Variants in SPSB3 observed in about 807,000 individuals in gnomAD.
The protein encoded by SPSB3 is SPRY domain-containing SOCS box protein 3.
In SPSB3, 18 loss-of-function variants were observed where a neutral mutation model predicts 29.5. The ratio of observed to expected loss-of-function variants is 0.61; its 90% CI spans 0.42 to 0.91. The LOEUF is 0.91. Ranked by LOEUF, SPSB3 falls within the 40% of genes least tolerant of loss-of-function variation. SPSB3 has a pLI of 0.00. For synonymous variants in SPSB3, 299 were observed against 214.1 expected, an observed-to-expected ratio of 1.40 and a Z score of -3.46; for missense variants, 540 against 507.5, an observed-to-expected ratio of 1.06 and a Z score of -0.61.
In SPSB3 at chr16:1,776,924, C is replaced by A. The variant is rs970063612; in HGVS notation, c.*173G>T. The stretch of plus-strand genomic sequence containing the variant: ...CACCCAGCACAGCAGCAGAGGGGCC[C>A]TAGAGCCCCCACAGAAAGGACTGTC... On this transcript the variant is annotated 3_prime_UTR_variant, in exon 7 of 7. Coordinates refer to ENST00000566339, the MANE Select transcript of SPSB3 (RefSeq NM_080861.4). The A allele has an allele frequency of 4.0e-6, 3 of 747,634 alleles. No individual in the cohort carries two copies. Among genetic ancestry groups the A allele is most frequent in the African/African-American group, 3.5e-5 (2 of 56,696 alleles). 46.3% of individuals were successfully genotyped at this position (747,634 alleles called of 1,614,324 possible). A position where few individuals can be genotyped will look rare whatever the true frequency, so the allele number is the denominator to read the frequency against.
In SPSB3 at chr16:1,777,799, G is replaced by A. The variant is rs781523478; in HGVS notation, c.669C>T (p.His223=). The change falls in exon 6 of 7, where the codon CAC becomes CAT. Residue 223 remains histidine (H), a synonymous_variant. Coordinates refer to ENST00000566339, the MANE Select transcript of SPSB3 (RefSeq NM_080861.4). ...RFGQGSIIGV[H]LDTWHGTLTF... ...TGAGTGTGCCGTGCCAGGTGTCCAG[G>A]TGCACGCCAATGATGGAGCCCTGGC... is the stretch of plus-strand genomic sequence containing the variant. 1.1e-5 allele frequency: 18 copies of A among 1,612,896 alleles called. No individual in the cohort carries two copies. The highest frequency in any genetic ancestry group is 2.7e-5 in the African/African-American group (2 of 75,020).
Position 1,777,960 on chromosome 16 carries a change from C to A in SPSB3, c.581G>T (p.Gly194Val). 6.2e-7 allele frequency: 1 copy of A among 1,612,850 alleles called. No homozygotes were observed. The highest frequency in any genetic ancestry group is 1.1e-5 in the South Asian group (1 of 91,084). The change falls in exon 5 of 7, where the codon GGC becomes GTC. Residue 194 changes from glycine to valine, a missense_variant. Coordinates refer to ENST00000566339, the MANE Select transcript of SPSB3 (RefSeq NM_080861.4). ...SLLGRDEDSW[G>V]LSYTGLLHHK... ...GCCTCACGCACCCGTGTAGGAGAGGCCCCAGCTGTCCTCATCCCTGCCCAG... is the reference window on the plus strand; with the variant it reads ...GCCTCACGCACCCGTGTAGGAGAGGACCCAGCTGTCCTCATCCCTGCCCAG...
At chr16:1,781,306 G>A in intron 2 of SPSB3, 52 bp downstream of exon 2, 1 of 1,612,654 alleles carries the variant, frequency 6.2e-7, no homozygotes. Context: ...GCCTGCCTAG[G>A]GCATCTCCAC....
chr16:1,781,010 G>A (rs1596858721), intron 2 of SPSB3: 1 of 497,112 alleles, frequency 2.0e-6, no homozygotes. Context: ...TAGGATTATA[G>A]GTGTGAGCCA....
intron 6 of SPSB3, 143 bp downstream of exon 6, chr16:1,777,604 T>G (rs1329147202): frequency 7.0e-7 from 1 of 1,423,920 alleles, no homozygotes; most frequent in African/African-American, 1.4e-5. Flanking sequence ...CTGGCCTCAC[T>G]GTCCCACCCC....
In SPSB3 at chr16:1,778,327, A is replaced by G. The variant is rs1369578551; in HGVS notation, c.305-6T>C. 6.2e-7 allele frequency: 1 copy of G among 1,611,898 alleles called. No individual in the cohort carries two copies. Among genetic ancestry groups the G allele is most frequent in the African/African-American group, 1.3e-5 (1 of 74,924 alleles). On this transcript the variant is annotated splice_polypyrimidine_tract_variant and splice_region_variant and intron_variant, in intron 3 of 6. Coordinates refer to ENST00000566339, the MANE Select transcript of SPSB3 (RefSeq NM_080861.4). The stretch of plus-strand genomic sequence containing the variant: ...ATCCCAGACCCAGTCGAAATCTGCA[A>G]GAGAGGCCCAGGCTGGGGCAGCCCT...
chr16:1,778,409 C>T, intron 3 of SPSB3, 26 bp downstream of exon 3: 2 of 1,605,868 alleles, frequency 1.2e-6, no homozygotes, highest in Non-Finnish European at 8.5e-7. Flanking sequence ...AGTGCAGTCC[C>T]AGCAGGGGCT....
At chr16:1,780,555 G>A (rs967698961) in intron 2 of SPSB3, 1 of 153,006 alleles carries the variant, frequency 6.5e-6, no homozygotes, top group African/African-American at 2.4e-5. Context: ...GCCTCCCTGA[G>A]CAAGTGCAGA....
chr16:1,781,117 TGAA>T, intron 2 of SPSB3: 1 of 1,444,322 alleles, frequency 6.9e-7, no homozygotes, highest in Non-Finnish European at 9.2e-7. Flanking sequence ...GAAAGCACAG[TGAA>T]GAATGCAGTG....
chr16:1,778,748 T>A, intron 2 of SPSB3, 136 bp from the exon 3 acceptor site: 1 of 958,798 alleles, frequency 1.0e-6, no homozygotes, highest in Non-Finnish European at 1.5e-6. Flanking sequence ...GACTTCACAG[T>A]ACCCCGAGCG....
At chr16:1,779,270 G>A (rs2042759226) in intron 2 of SPSB3, 1 of 152,414 alleles carries the variant, frequency 6.6e-6, no homozygotes, top group Non-Finnish European at 1.5e-5. Flanking sequence ...CCTTGTGGGA[G>A]GCAGTGCCCC....
intron 2 of SPSB3, chr16:1,779,008 C>A: frequency 5.4e-6 from 1 of 183,862 alleles, no homozygotes. Context: ...CCAGCTGCAG[C>A]CACCCGGCCT....
Position 1,776,742 on chromosome 16 carries a change from G to T in SPSB3, c.*355C>A. 1 of 366,394 alleles carries T rather than the reference G, an allele frequency of 2.7e-6. No homozygotes were observed. Among genetic ancestry groups the T allele is most frequent in the East Asian group, 5.2e-5 (1 of 19,402 alleles). 22.7% of individuals were successfully genotyped at this position (366,394 alleles called of 1,614,324 possible). On this transcript the variant is annotated 3_prime_UTR_variant, in exon 7 of 7. Transcript: ENST00000566339. ...GTTAGACATCAACTCTACATTTATTGCAGTCCTTTAAGTCTATGACGGCGG... is the reference window on the plus strand; with the variant it reads ...GTTAGACATCAACTCTACATTTATTTCAGTCCTTTAAGTCTATGACGGCGG...
rs1171462034 is a variant in SPSB3, at chr16:1,777,790, G to A, written c.678C>T (p.Thr226=). 1.9e-6 allele frequency: 3 copies of A among 1,612,884 alleles called. No homozygotes were observed. The highest frequency in any genetic ancestry group is 2.7e-5 in the African/African-American group (2 of 75,038). The stretch of plus-strand genomic sequence containing the variant: ...TGAAAAAGGTGAGTGTGCCGTGCCA[G>A]GTGTCCAGGTGCACGCCAATGATGG... The part of the protein sequence containing the change: ...QGSIIGVHLD[T]WHGTLTFFKN... Residue 226 remains threonine, a synonymous_variant, in exon 6 of 7, where the codon ACC becomes ACT. Coordinates refer to ENST00000566339, the MANE Select transcript of SPSB3 (RefSeq NM_080861.4).
In SPSB3 at chr16:1,777,173, G is replaced by T; in HGVS notation, c.992C>A (p.Pro331His). Residue 331 changes from proline to histidine, a missense_variant, in exon 7 of 7, where the codon CCC becomes CAC. Coordinates refer to ENST00000566339, the MANE Select transcript of SPSB3 (RefSeq NM_080861.4). ...GGGGTGGGCGGAGGTCGCTGCCTGG[G>T]GATCGGACACTGGAGCCTTGCGGCG... The part of the protein sequence containing the change: ...CSRRKAPVSD[P>H]QAATSAHPSS... 1 of 1,610,986 alleles carries T rather than the reference G, an allele frequency of 6.2e-7. No individual in the cohort carries two copies. Among genetic ancestry groups the T allele is most frequent in the Non-Finnish European group, 8.5e-7 (1 of 1,179,868 alleles).
intron 1 of SPSB3, chr16:1,782,274 C>G (rs993751177): frequency 6.6e-6 from 1 of 151,988 alleles, no homozygotes; most frequent in African/African-American, 2.4e-5. Flanking sequence ...CAGCCCCAGG[C>G]GAGCGCGTGT....
rs575698200 is a variant in SPSB3 at position 1,778,684 on chromosome 16, G to A, written c.127-72C>T. 109 of 1,471,946 alleles carry A rather than the reference G, an allele frequency of 7.4e-5. No homozygotes were observed. In the Admixed American group the frequency reaches 2.5e-3, roughly 34 times the overall value. 91.2% of individuals were successfully genotyped at this position (1,471,946 alleles called of 1,614,324 possible). A position where few individuals can be genotyped will look rare whatever the true frequency, so the allele number is the denominator to read the frequency against. On this transcript the variant is annotated intron_variant, in intron 2 of 6. Coordinates refer to ENST00000566339, the MANE Select transcript of SPSB3 (RefSeq NM_080861.4). The stretch of plus-strand genomic sequence containing the variant: ...CCTCTCACCCTTGCCCTCTGTCCCT[G>A]TCCCACCCTGTCCCTGACCCACCCA...
At position 1,778,044 on chromosome 16, in the gene SPSB3, A is replaced by G; in HGVS notation, c.497T>C (p.Val166Ala). 1 of 1,613,128 alleles carries G rather than the reference A, an allele frequency of 6.2e-7. No homozygotes were observed. Among genetic ancestry groups the G allele is most frequent in the Non-Finnish European group, 8.5e-7 (1 of 1,179,972 alleles). ...TSPVYGTDMM[V>A]GIGTSDVDLD... ...GTCCACATCCGACGTCCCGATGCCCACCATCTAGGAACAGGGGCCAGGCAG... is the reference window on the plus strand; with the variant it reads ...GTCCACATCCGACGTCCCGATGCCCGCCATCTAGGAACAGGGGCCAGGCAG... The change falls in exon 5 of 7, where the codon GTG becomes GCG. Residue 166 changes from valine (V) to alanine (A), a missense_variant. Physicochemically the swap from Val to Ala is moderately conservative, Grantham distance 64. Coordinates refer to ENST00000566339, the MANE Select transcript of SPSB3 (RefSeq NM_080861.4).
At chr16:1,781,125 G>A in intron 2 of SPSB3, 3 of 1,463,062 alleles carry the variant, frequency 2.1e-6, no homozygotes, top group Non-Finnish European at 2.7e-6. Context: ...AGTGAAGAAT[G>A]CAGTGTGTTC....
Sources: allele counts gnomAD v4.1 joint callset, GRCh38; gene constraint gnomAD v4.1.1; transcripts MANE v1.5; gene names NCBI Gene and HGNC (gene_info 2026-07-23, HGNC 2026-07-21).